MOXD1: variants seen among roughly 807,000 people sequenced by gnomAD.
MOXD1 encodes the protein DBH-like monooxygenase protein 1.
In MOXD1, 62 loss-of-function variants were observed where a neutral mutation model predicts 66.6. The ratio of observed to expected loss-of-function variants is 0.93; its 90% CI spans 0.76 to 1.15. The LOEUF (loss-of-function observed/expected upper bound fraction) is 1.15, where lower values mean the gene tolerates loss of function less well. MOXD1 is among the 50% of genes most tolerant of loss of function. The pLI is 0.00. For missense variants in MOXD1, 847 were observed against 754.6 expected, an observed-to-expected ratio of 1.12 and a Z score of -1.44; for synonymous variants, 303 against 281.9, an observed-to-expected ratio of 1.07 and a Z score of -0.75.
intron 1 of MOXD1, among the ~76,000 whole-genome samples, chr6:132,389,995 G>C (rs1005234398): frequency 1.3e-4 from 20 of 151,392 alleles, no homozygotes; most frequent in Non-Finnish European, 1.8e-4. Context: ...AAGGCCTTTA[G>C]CTCTCTAATA....
intron 1 of MOXD1, among the ~76,000 whole-genome samples, chr6:132,395,963 C>T (rs1454733183): frequency 6.6e-6 from 1 of 152,136 alleles, no homozygotes. Flanking sequence ...ATAGCCCACT[C>T]TCAGCATTAG....
chr6:132,342,554 G>GAC (rs1190193399), intron 4 of MOXD1, among the ~76,000 whole-genome samples: 1 of 152,154 alleles, frequency 6.6e-6, no homozygotes, highest in Non-Finnish European at 1.5e-5. Context: ...GTGTATGAGT[G>GAC]TCTGTGTGTG....
intron 10 of MOXD1, among the ~76,000 whole-genome samples, chr6:132,300,698 G>T (rs1170232926): frequency 6.6e-6 from 1 of 152,164 alleles, no homozygotes; most frequent in Non-Finnish European, 1.5e-5. Flanking sequence ...TGACAGAAGA[G>T]GTGTAACCCC....
At chr6:132,339,993 C>T (rs937778842) in intron 4 of MOXD1, among the ~76,000 whole-genome samples, 2 of 151,752 alleles carry the variant, frequency 1.3e-5, no homozygotes, top group African/African-American at 4.8e-5. Flanking sequence ...GCTCAGCCTA[C>T]CGAATAGCTG....
At chr6:132,297,392 C>T (rs1656691303) in intron 11 of MOXD1, 75 bp from the exon 12 acceptor site, 7 of 1,474,052 alleles carry the variant, frequency 4.7e-6, no homozygotes, top group Non-Finnish European at 6.5e-6. Flanking sequence ...GCTCAGCTGC[C>T]CACACTTCTG....
chr6:132,350,397 T>C (rs1446294303), intron 4 of MOXD1, among the ~76,000 whole-genome samples: 1 of 152,170 alleles, frequency 6.6e-6, no homozygotes, highest in African/African-American at 2.4e-5. Flanking sequence ...TTACCCACTT[T>C]ATGTCTTTGT....
rs577385135 is a variant in MOXD1 at position 132,374,941 on chromosome 6, A to C, written c.265-164T>G. ...AACTGGGGAATCAGGTCCCTGGGAA[A>C]CTAGTCCATCTTTGAACTTCTGGCC... On this transcript the variant is annotated intron_variant, in intron 1 of 11. Coordinates refer to ENST00000367963, the MANE Select transcript of MOXD1 (RefSeq NM_015529.4). 28 of 668,882 alleles carry C rather than the reference A, an allele frequency of 4.2e-5. No homozygotes were observed. The South Asian group carries it at 5.4e-4, about 13-fold the overall frequency. 41.4% of individuals were successfully genotyped at this position (668,882 alleles called of 1,614,324 possible). A position where few individuals can be genotyped will look rare whatever the true frequency, so the allele number is the denominator to read the frequency against.
chr6:132,375,448 G>A (rs1217607891), intron 1 of MOXD1, among the ~76,000 whole-genome samples: 2 of 152,072 alleles, frequency 1.3e-5, no homozygotes, highest in Non-Finnish European at 2.9e-5. Flanking sequence ...TTTTTGAGAC[G>A]GAATCTGGCT....
chr6:132,391,103 T>C (rs1433546723), intron 1 of MOXD1: 1 of 151,368 alleles, frequency 6.6e-6, no homozygotes, highest in East Asian at 1.9e-4. Context: ...ACCTAAGGTT[T>C]AGTTTTCTCA....
chr6:132,319,943 C>A (rs1428710831), intron 9 of MOXD1, among the ~76,000 whole-genome samples: 2 of 152,014 alleles, frequency 1.3e-5, no homozygotes, highest in Admixed American at 6.6e-5. Context: ...TAATTTAAAT[C>A]AATTTTATAT....
At chr6:132,329,743 A>G (rs1308101416) in intron 4 of MOXD1, among the ~76,000 whole-genome samples, 2 of 152,098 alleles carry the variant, frequency 1.3e-5, no homozygotes, top group Non-Finnish European at 2.9e-5. Flanking sequence ...AAGAAAAAAA[A>G]TCCACCCATG....
Position 132,338,660 on chromosome 6 carries a change from G to GGGAT in MOXD1, c.664-10070_664-10067dup, listed in dbSNP as rs370270603. On this transcript the variant is annotated intron_variant, in intron 4 of 11. Coordinates refer to ENST00000367963, the MANE Select transcript of MOXD1 (RefSeq NM_015529.4). Reference sequence around the variant, plus strand: ...ATTGCACATAAATCCATGTCTCAAGGGGATACATTTCAAATAAGACAAGCA... The same window carrying GGGAT: ...ATTGCACATAAATCCATGTCTCAAGGGGATGGATACATTTCAAATAAGACAAGCA... Among the ~76,000 whole-genome samples the GGGAT allele has an allele frequency of 4.6e-3, 706 of 152,206 alleles. 4 individuals are homozygous for GGGAT. The highest frequency in any genetic ancestry group is 0.016 in the African/African-American group (673 of 41,526).
chr6:132,377,239 G>A (rs1051134344), intron 1 of MOXD1, among the ~76,000 whole-genome samples: 3 of 152,178 alleles, frequency 2.0e-5, no homozygotes, highest in Admixed American at 2.0e-4. Context: ...ATACTCCTGT[G>A]AGTCTGTGAT....
chr6:132,362,894 T>A (rs1425805277), intron 4 of MOXD1, among the ~76,000 whole-genome samples: 1 of 152,210 alleles, frequency 6.6e-6, no homozygotes, highest in Non-Finnish European at 1.5e-5. Flanking sequence ...AGCCTAATCA[T>A]CTTACTCTAA....
chr6:132,368,265 A>G (rs1173088445), intron 4 of MOXD1, among the ~76,000 whole-genome samples: 2 of 152,100 alleles, frequency 1.3e-5, no homozygotes, highest in Non-Finnish European at 2.9e-5. Flanking sequence ...TTTACGGTAA[A>G]GTCACATCTA....
intron 1 of MOXD1, among the ~76,000 whole-genome samples, chr6:132,400,368 A>T (rs1351285516): frequency 6.6e-6 from 1 of 151,694 alleles, no homozygotes; most frequent in Admixed American, 6.6e-5. Flanking sequence ...TGTCCAGGAA[A>T]CCTAGCCACC....
chr6:132,306,454 G>A (rs1463329280), intron 10 of MOXD1, among the ~76,000 whole-genome samples: 12 of 152,068 alleles, frequency 7.9e-5, no homozygotes, highest in African/African-American at 2.2e-4. Flanking sequence ...GATATTATCC[G>A]GGAGAACTTC....
At chr6:132,335,538 A>G (rs576191709) in intron 4 of MOXD1, among the ~76,000 whole-genome samples, 1 of 152,250 alleles carries the variant, frequency 6.6e-6, no homozygotes, top group South Asian at 2.1e-4. Context: ...CAGAGATTGG[A>G]GTGATGCTGC....
At chr6:132,333,335 C>CAAAAAAA (rs35163669) in intron 4 of MOXD1, among the ~76,000 whole-genome samples, 2 of 72,490 alleles carry the variant, frequency 2.8e-5, no homozygotes, top group South Asian at 5.1e-4. Flanking sequence ...GACTCCGTCT[C>CAAAAAAA]AAAAAAAAAA....
Sources: gnomAD v4.1 joint callset for allele counts (sites outside exome capture counted in the v4.1 genomes callset) on GRCh38, gnomAD v4.1.1 for gene constraint, MANE v1.5 for transcripts, NCBI Gene and HGNC (gene_info 2026-07-23, HGNC 2026-07-21) for gene names.